Variants in AP5Z1 observed in about 807,000 individuals in gnomAD.
AP5Z1 encodes the protein AP-5 complex subunit zeta-1.
AP5Z1 carries 106 observed loss-of-function variants against 83.0 expected under a neutral mutation model. The observed-to-expected ratio is 1.28, with a 90% CI of 1.09 to 1.50. The LOEUF (loss-of-function observed/expected upper bound fraction) is 1.50. Among genes scored for constraint, AP5Z1 ranks in the 40% most tolerant of loss-of-function variants. The pLI is 0.00. For missense variants in AP5Z1, 1,565 were observed against 1,094.2 expected, an observed-to-expected ratio of 1.43 and a Z score of -6.07; for synonymous variants, 751 against 514.1, an observed-to-expected ratio of 1.46 and a Z score of -6.23.
At chr7:4,775,922 G>A (rs1175513778) in intron 1 of AP5Z1, among the ~76,000 whole-genome samples, 166 bp downstream of exon 1, 3 of 152,224 alleles carry the variant, frequency 2.0e-5, no homozygotes, top group Non-Finnish European at 4.4e-5. Context: ...GCCAGGCTTG[G>A]GGTGAGGAGG....
chr7:4,780,320 T>C (rs769407820), intron 1 of AP5Z1, among the ~76,000 whole-genome samples: 3 of 152,204 alleles, frequency 2.0e-5, no homozygotes, highest in Non-Finnish European at 4.4e-5. Context: ...TTCTTTAATA[T>C]ATAAGATTTT....
In AP5Z1 at chr7:4,791,151, T is replaced by C. The variant is rs1781757002; in HGVS notation, c.2190T>C (p.Ala730=). ...SLLLSKMRTL[A]HSPATSSTHS... is the part of the protein sequence containing the mutation. Reference sequence around the variant, plus strand: ...TGCTGTCAAAGATGAGGACCCTGGCTCACAGTCCAGCCACCAGCTCCACGC... The same window carrying C: ...TGCTGTCAAAGATGAGGACCCTGGCCCACAGTCCAGCCACCAGCTCCACGC... Residue 730 remains alanine (A), a synonymous_variant, in exon 17 of 17, where the codon GCT becomes GCC. Coordinates refer to ENST00000649063, the MANE Select transcript of AP5Z1 (RefSeq NM_014855.3). 1 of 1,608,980 alleles carries C rather than the reference T, an allele frequency of 6.2e-7. No homozygotes were observed. The highest frequency in any genetic ancestry group is 8.5e-7 in the Non-Finnish European group (1 of 1,177,756).
Position 4,784,981 on chromosome 7 carries a change from GC to G in AP5Z1, c.868del (p.Arg290GlyfsTer24), listed in dbSNP as rs756556933. On this transcript the variant is annotated frameshift_variant, in exon 7 of 17. Coordinates refer to ENST00000649063, the MANE Select transcript of AP5Z1 (RefSeq NM_014855.3). LOFTEE classifies it high-confidence loss of function. ...CCTCCTCTGCCGGCCGCCTGCTGCC[GC>G]CCCGGGAGCGGCTTCGGGAGGTGGC... ...ATSSAGRLLPPRERLREVAFE... is the reference protein window; with the variant it reads ...ATSSAGRLLPXRERLREVAFE... 76 of 1,612,012 alleles carry G rather than the reference GC, an allele frequency of 4.7e-5. No individual in the cohort carries two copies. The highest frequency in any genetic ancestry group is 5.8e-5 in the Non-Finnish European group (68 of 1,179,476).
Position 4,784,862 on chromosome 7 carries a change from C to T in AP5Z1, c.791-46C>T, listed in dbSNP as rs558285906. 32 of 1,583,768 alleles carry T rather than the reference C, an allele frequency of 2.0e-5. 1 individual carries two copies. In the South Asian group the frequency reaches 3.2e-4, roughly 16 times the overall value. On this transcript the variant is annotated intron_variant, in intron 6 of 16. Transcript: ENST00000649063. ...AAGCAGGGCAGCAGGCATGTCCCAGCCCGGGAGCCACACGTCAGCCTGCTG... is the reference window on the plus strand; with the variant it reads ...AAGCAGGGCAGCAGGCATGTCCCAGTCCGGGAGCCACACGTCAGCCTGCTG...
intron 1 of AP5Z1, among the ~76,000 whole-genome samples, chr7:4,777,809 C>G (rs557933935): frequency 6.6e-6 from 1 of 152,184 alleles, no homozygotes; most frequent in African/African-American, 2.4e-5. Flanking sequence ...CAGTTGCCCT[C>G]TGTTAGGGTT....
intron 1 of AP5Z1, among the ~76,000 whole-genome samples, chr7:4,779,321 C>A (rs1781312922): frequency 6.8e-6 from 1 of 146,220 alleles, no homozygotes; most frequent in Admixed American, 6.9e-5. Flanking sequence ...TATAACATAA[C>A]ACGTTATATA....
chr7:4,781,527 C>T (rs747085290), intron 2 of AP5Z1, 41 bp from the exon 3 acceptor site: 39 of 1,590,112 alleles, frequency 2.5e-5, no homozygotes, highest in Admixed American at 1.2e-4. Context: ...CTGCCACGGT[C>T]GTGACGTGTT....
At chr7:4,776,442 C>A (rs923862114) in intron 1 of AP5Z1, among the ~76,000 whole-genome samples, 1 of 151,684 alleles carries the variant, frequency 6.6e-6, no homozygotes, top group Non-Finnish European at 1.5e-5. Context: ...GCTGACCGGG[C>A]GTGGTGGCTC....
In AP5Z1 at chr7:4,785,429, G is replaced by T; in HGVS notation, c.946G>T (p.Gly316Trp). ...CCTCCTTCCAGGAGCCCTGAGGAAG[G>T]GGGACTCCGACCTGCAGAAAGCTGT... is the stretch of plus-strand genomic sequence containing the variant. ...EQSNRRALRK[G>W]DSDLQKACLV... is the part of the protein sequence containing the mutation. Residue 316 changes from glycine to tryptophan, a missense_variant, in exon 8 of 17, where the codon GGG (glycine) becomes TGG (tryptophan). Coordinates refer to ENST00000649063, the MANE Select transcript of AP5Z1 (RefSeq NM_014855.3). 6.2e-7 allele frequency: 1 copy of T among 1,613,370 alleles called. No homozygotes were observed. Among genetic ancestry groups the T allele is most frequent in the Non-Finnish European group, 8.5e-7 (1 of 1,179,664 alleles).
rs931920386 is a variant in AP5Z1, at chr7:4,783,718, G to A, written c.541G>A (p.Val181Ile). The A allele has an allele frequency of 1.9e-6, 3 of 1,550,452 alleles. No homozygotes were observed. Among genetic ancestry groups the A allele is most frequent in the Non-Finnish European group, 2.6e-6 (3 of 1,147,006 alleles). ...DQATLLSKRLVDWLRYASLQQ... is the reference protein window; with the variant it reads ...DQATLLSKRLIDWLRYASLQQ... ...GGCCACCCTGCTCAGCAAGCGGCTGGTCGACTGGCTGCGCTACGCCAGCCT... is the reference window on the plus strand; with the variant it reads ...GGCCACCCTGCTCAGCAAGCGGCTGATCGACTGGCTGCGCTACGCCAGCCT... The change falls in exon 5 of 17, where the codon GTC becomes ATC. Residue 181 changes from valine to isoleucine, a missense_variant. Val to Ile is a conservative substitution (Grantham distance 29, BLOSUM62 3). Coordinates refer to ENST00000649063, the MANE Select transcript of AP5Z1 (RefSeq NM_014855.3).
In AP5Z1 at chr7:4,792,627, C is replaced by G. The variant is rs1240028189; in HGVS notation, c.*1242C>G. The G allele has an allele frequency of 6.6e-6, 1 of 152,200 alleles. No homozygotes were observed. Among genetic ancestry groups the G allele is most frequent in the African/African-American group, 2.4e-5 (1 of 41,448 alleles). The allele number at this position is 152,200 out of a possible 1,614,324, so 9.4% of individuals were successfully genotyped here. A position where few individuals can be genotyped will look rare whatever the true frequency, so the allele number is the denominator to read the frequency against. ...CACAGCCTGGGCCTTGGGTCGCGTT[C>G]CGAGCTCCAGGACGGCTGGTGTCCC... On this transcript the variant is annotated 3_prime_UTR_variant, in exon 17 of 17. Transcript: ENST00000649063.
At chr7:4,778,766 TTACA>T (rs1279163667) in intron 1 of AP5Z1, among the ~76,000 whole-genome samples, 2 of 146,586 alleles carry the variant, frequency 1.4e-5, no homozygotes, top group Non-Finnish European at 3.0e-5. Context: ...ATATTATATA[TTACA>T]TATATATTTA....
intron 2 of AP5Z1, 123 bp downstream of exon 2, chr7:4,781,435 G>A (rs1467381769): frequency 1.3e-6 from 2 of 1,546,758 alleles, no homozygotes; most frequent in South Asian, 1.2e-5. Context: ...TTAAACCAGT[G>A]CTGAAGGTCC....
In AP5Z1 at chr7:4,793,017, C is replaced by G. The variant is rs1001479358; in HGVS notation, c.*1632C>G. ...GCGTCGGGGGTGTCCTGGCTCCCAG[C>G]TCCCAGGCACTCGTGGGGCCACCGC... On this transcript the variant is annotated 3_prime_UTR_variant, in exon 17 of 17. Transcript: ENST00000649063. The G allele has an allele frequency of 6.5e-6, 1 of 153,736 alleles. No homozygotes were observed. The highest frequency in any genetic ancestry group is 2.0e-4 in the South Asian group (1 of 4,944). The allele number at this position is 153,736 out of a possible 1,614,324, so 9.5% of individuals were successfully genotyped here. A position where few individuals can be genotyped will look rare whatever the true frequency, so the allele number is the denominator to read the frequency against.
chr7:4,790,940 G>T, intron 16 of AP5Z1, 53 bp downstream of exon 16: 2 of 1,516,410 alleles, frequency 1.3e-6, no homozygotes, highest in Non-Finnish European at 8.8e-7. Context: ...AAGAGAGGTG[G>T]CTTCTGAGGT....
In AP5Z1 at chr7:4,783,269, C is replaced by A. The variant is rs761814685; in HGVS notation, c.367-47C>A. 68 of 1,524,400 alleles carry A rather than the reference C, an allele frequency of 4.5e-5. 1 individual carries two copies. Among genetic ancestry groups the A allele is most frequent in the Non-Finnish European group, 9.7e-6 (11 of 1,130,150 alleles). The allele number at this position is 1,524,400 out of a possible 1,614,324, so 94.4% of individuals were successfully genotyped here. ...AGACTTCCGAAATGGGGGAGCTGGT[C>A]TCTGGCACAGGCCAGTACCCCAGCG... On this transcript the variant is annotated intron_variant, in intron 3 of 16. Transcript: ENST00000649063.
At chr7:4,776,236 C>G (rs767682877) in intron 1 of AP5Z1, among the ~76,000 whole-genome samples, 1 of 152,058 alleles carries the variant, frequency 6.6e-6, no homozygotes, top group Non-Finnish European at 1.5e-5. Context: ...CTCTCTTGCG[C>G]GGATGTATTA....
rs774841365 is a variant in AP5Z1, at chr7:4,786,241, G to T, written c.1133-9G>T. On this transcript the variant is annotated splice_polypyrimidine_tract_variant and intron_variant, in intron 9 of 16. Coordinates refer to ENST00000649063, the MANE Select transcript of AP5Z1 (RefSeq NM_014855.3). ...AAGACGTGTGCCCTGGCGGGCCCTGGTCTTGCAGGGGAAGCGGCTGCAGTG... is the reference window on the plus strand; with the variant it reads ...AAGACGTGTGCCCTGGCGGGCCCTGTTCTTGCAGGGGAAGCGGCTGCAGTG... 2.5e-6 allele frequency: 4 copies of T among 1,595,820 alleles called. No individual in the cohort carries two copies. The African/African-American group carries it at 4.0e-5, about 16-fold the overall frequency.
chr7:4,775,834 G>A (rs1415888730), intron 1 of AP5Z1, 78 bp downstream of exon 1: 7 of 1,554,584 alleles, frequency 4.5e-6, no homozygotes, highest in Non-Finnish European at 6.1e-6. Flanking sequence ...TCACAGGGCA[G>A]GGGCTTGGGC....
Sources: allele counts gnomAD v4.1 joint callset (sites outside exome capture counted in the v4.1 genomes callset), GRCh38; gene constraint gnomAD v4.1.1; transcripts MANE v1.5; gene names NCBI Gene and HGNC (gene_info 2026-07-23, HGNC 2026-07-21).